KIAA1217: variants seen among roughly 807,000 people sequenced by gnomAD.
KIAA1217 encodes the protein KIAA1217.
In KIAA1217, 88 loss-of-function variants were observed where a neutral mutation model predicts 163.9. The observed-to-expected ratio is 0.54, with a 90% CI of 0.45 to 0.64. KIAA1217 has a LOEUF of 0.64. Among genes scored for constraint, KIAA1217 ranks in the 30% least tolerant of loss-of-function variants. The pLI, the probability that KIAA1217 is intolerant of heterozygous loss-of-function variation, is 0.00. For synonymous variants in KIAA1217, 903 were observed against 923.1 expected, an observed-to-expected ratio of 0.98 and a Z score of 0.39; for missense variants, 2,372 against 2,475.0, an observed-to-expected ratio of 0.96 and a Z score of 0.88.
chr10:24,406,657 ATT>A (rs1250442956), intron 3 of KIAA1217, among the ~76,000 whole-genome samples: 1 of 152,202 alleles, frequency 6.6e-6, no homozygotes, highest in Non-Finnish European at 1.5e-5. Context: ...CTCATAAAGG[ATT>A]TTATGCCTCA....
chr10:23,701,337 C>T (rs768122360), intron 1 of KIAA1217, among the ~76,000 whole-genome samples: 5 of 152,166 alleles, frequency 3.3e-5, no homozygotes, highest in Admixed American at 6.5e-5. Context: ...TAATCCTTTC[C>T]GTGAAATACT....
chr10:24,486,294 A>G (rs1190192339), intron 6 of KIAA1217, among the ~76,000 whole-genome samples: 1 of 152,148 alleles, frequency 6.6e-6, no homozygotes, highest in Non-Finnish European at 1.5e-5. Flanking sequence ...TATCACACTC[A>G]GGGTCAAAGT....
intron 5 of KIAA1217, among the ~76,000 whole-genome samples, chr10:24,448,108 G>T (rs1031987514): frequency 2.6e-5 from 4 of 152,018 alleles, no homozygotes; most frequent in Non-Finnish European, 5.9e-5. Context: ...CCAGCCTGGT[G>T]ACAGAGTGAG....
intron 5 of KIAA1217, among the ~76,000 whole-genome samples, chr10:24,468,216 C>G (rs2063151381): frequency 6.6e-6 from 1 of 152,174 alleles, no homozygotes; most frequent in South Asian, 2.1e-4. Context: ...TCCCCCACAT[C>G]CTAAGAGCGA....
At chr10:24,505,226 A>G (rs539116289) in intron 9 of KIAA1217, among the ~76,000 whole-genome samples, 2 of 149,448 alleles carry the variant, frequency 1.3e-5, no homozygotes, top group Non-Finnish European at 3.0e-5. Context: ...CAAACAATGC[A>G]CCTCATTCCC....
Position 24,381,058 on chromosome 10 carries a change from A to G in KIAA1217, c.544A>G (p.Arg182Gly). ...GAGGTCAACCAACCAGACGAAAGAAAGATCTCTGGGTAAGCTTTAGAAGGC... is the reference window on the plus strand; with the variant it reads ...GAGGTCAACCAACCAGACGAAAGAAGGATCTCTGGGTAAGCTTTAGAAGGC... ...VVRSTNQTKE[R>G]SLGVLYLQYG... The change falls in exon 3 of 21, where the codon AGA becomes GGA. Residue 182 changes from arginine (R) to glycine (G), a missense_variant. This residue lies in a region of KIAA1217 where 1,431 missense variants were observed against 1,470.3 expected (regional missense o/e 0.97). Coordinates refer to ENST00000376454, the MANE Select transcript of KIAA1217 (RefSeq NM_019590.5). 6.4e-7 allele frequency: 1 copy of G among 1,561,044 alleles called. No homozygotes were observed. The highest frequency in any genetic ancestry group is 8.7e-7 in the Non-Finnish European group (1 of 1,152,574).
intron 2 of KIAA1217, among the ~76,000 whole-genome samples, chr10:24,168,669 C>T (rs2065472855): frequency 6.6e-6 from 1 of 152,170 alleles, no homozygotes; most frequent in South Asian, 2.1e-4. Flanking sequence ...TTTCCTGACA[C>T]TCCCCAGAAG....
At chr10:24,301,100 C>G (rs1271756943) in intron 2 of KIAA1217, among the ~76,000 whole-genome samples, 1 of 152,020 alleles carries the variant, frequency 6.6e-6, no homozygotes, top group Non-Finnish European at 1.5e-5. Flanking sequence ...GGTGTGAGCC[C>G]CCGCAACTGG....
At position 23,902,792 on chromosome 10, in the gene KIAA1217, G is replaced by T. The variant is rs112145848; in HGVS notation, c.-320-104433G>T. ...CTGGAGTCAATATGGTGGCTGAACT[G>T]CCCCATTGATTTGACAAAAGGATCT... On this transcript the variant is annotated intron_variant, in intron 1 of 18. Transcript: ENST00000376462. 3.7e-3 allele frequency among the ~76,000 whole-genome samples: 561 copies of T among 152,234 alleles called. 4 individuals are homozygous for T. Among genetic ancestry groups the T allele is most frequent in the African/African-American group, 0.013 (527 of 41,556 alleles).
At chr10:23,708,076 C>G (rs1837004544) in intron 1 of KIAA1217, among the ~76,000 whole-genome samples, 1 of 152,036 alleles carries the variant, frequency 6.6e-6, no homozygotes, top group Admixed American at 6.5e-5. Context: ...GCTGGGGAGG[C>G]CTCACAATCA....
chr10:24,096,077 C>T (rs928363536), intron 2 of KIAA1217, among the ~76,000 whole-genome samples: 58 of 152,296 alleles, frequency 3.8e-4, no homozygotes, highest in African/African-American at 1.2e-3. Flanking sequence ...CACTGTATTC[C>T]ATCCTGGGTG....
At chr10:24,199,534 T>A (rs184524542) in intron 2 of KIAA1217, among the ~76,000 whole-genome samples, 1 of 152,326 alleles carries the variant, frequency 6.6e-6, no homozygotes, top group Non-Finnish European at 1.5e-5. Flanking sequence ...AGAGAAATTG[T>A]TGAAGTTTGG....
At chr10:24,303,853 G>T (rs1448827086) in intron 2 of KIAA1217, among the ~76,000 whole-genome samples, 1 of 152,136 alleles carries the variant, frequency 6.6e-6, no homozygotes, top group Non-Finnish European at 1.5e-5. Context: ...TTTTCTGAAT[G>T]TGGCCTACAG....
Position 24,524,323 on chromosome 10 carries a change from A to C in KIAA1217, c.2457A>C (p.Arg819Ser), listed in dbSNP as rs1157237688. ...SMTDVLTMLR[R>S]HVTDGLLKGT... ...TGCCGCTGTGCATGGTTTCTCCTAG[A>C]CATGTCACTGATGGGCTCCTGAAAG... The change falls in exon 13 of 21, where the codon AGA becomes AGC. Residue 819 changes from arginine (R) to serine (S), a missense_variant and splice_region_variant. Arg to Ser is a moderately radical substitution (Grantham distance 110). Transcript: ENST00000376454. 4 of 1,608,046 alleles carry C rather than the reference A, an allele frequency of 2.5e-6. No individual in the cohort carries two copies. Among genetic ancestry groups the C allele is most frequent in the Non-Finnish European group, 3.4e-6 (4 of 1,175,176 alleles).
At chr10:23,898,652 A>G (rs1841814276) in intron 1 of KIAA1217, among the ~76,000 whole-genome samples, 1 of 151,990 alleles carries the variant, frequency 6.6e-6, no homozygotes, top group Admixed American at 6.6e-5. Flanking sequence ...ACAGTTCCAT[A>G]TTGTTAAATA....
intron 5 of KIAA1217, among the ~76,000 whole-genome samples, chr10:24,460,707 T>C (rs1014041599): frequency 6.6e-6 from 1 of 152,164 alleles, no homozygotes; most frequent in East Asian, 1.9e-4. Flanking sequence ...ATGCTGTATG[T>C]TTTTTCTTTT....
chr10:24,020,438 T>G (rs1292261740), intron 2 of KIAA1217, among the ~76,000 whole-genome samples: 5 of 152,066 alleles, frequency 3.3e-5, no homozygotes, highest in African/African-American at 4.8e-5. Flanking sequence ...TGGTCTCATT[T>G]GGGTGGGCAG....
intron 2 of KIAA1217, among the ~76,000 whole-genome samples, chr10:24,084,381 T>A (rs1437315466): frequency 2.6e-5 from 4 of 152,236 alleles, no homozygotes; most frequent in African/African-American, 9.6e-5. Context: ...GTACATATAA[T>A]CACTCAAGAA....
intron 2 of KIAA1217, among the ~76,000 whole-genome samples, chr10:24,092,930 G>A (rs11813012): frequency 7.9e-6 from 1 of 125,818 alleles, no homozygotes; most frequent in Admixed American, 7.7e-5. Context: ...TGTGTGTGTT[G>A]TGTGTGTGTG....
Sources: allele counts gnomAD v4.1 joint callset (sites outside exome capture counted in the v4.1 genomes callset), GRCh38; gene constraint gnomAD v4.1.1; regional missense constraint gnomAD v4.1.1; transcripts MANE v1.5; gene names NCBI Gene and HGNC (gene_info 2026-07-23, HGNC 2026-07-21).